PCDHA1: variants seen among roughly 807,000 people sequenced by gnomAD.
PCDHA1 encodes the protein protocadherin alpha 1.
A neutral mutation model predicts 61.3 loss-of-function variants in PCDHA1; 42 were observed. The observed-to-expected ratio is 0.69, with a 90% CI of 0.54 to 0.89. PCDHA1 has a LOEUF of 0.89. PCDHA1 is among the 40% of genes least tolerant of loss of function. PCDHA1 has a pLI of 0.00. For synonymous variants in PCDHA1, 610 were observed against 553.8 expected, an observed-to-expected ratio of 1.10 and a Z score of -1.43; for missense variants, 1,256 against 1,235.3, an observed-to-expected ratio of 1.02 and a Z score of -0.25.
intron 1 of PCDHA1, chr5:140,930,027 T>A (rs1554207548): frequency 6.6e-6 from 1 of 152,190 alleles, no homozygotes; most frequent in Non-Finnish European, 1.5e-5. Context: ...CATAGCAGTG[T>A]TTTGTAACTG....
intron 1 of PCDHA1, chr5:140,841,734 A>G: frequency 2.5e-6 from 4 of 1,613,870 alleles, no homozygotes; most frequent in Non-Finnish European, 3.4e-6. Context: ...GTAAAAGACC[A>G]AAAGCTGTTT....
intron 1 of PCDHA1, chr5:140,865,859 A>T (rs1328083716): frequency 1.3e-5 from 2 of 152,318 alleles, no homozygotes; most frequent in East Asian, 3.9e-4. Context: ...CTGCTCAAAC[A>T]TGGTCTCGGC....
chr5:140,914,801 A>G (rs976508278), intron 1 of PCDHA1, among the ~76,000 whole-genome samples: 2 of 152,164 alleles, frequency 1.3e-5, no homozygotes, highest in African/African-American at 4.8e-5. Context: ...TTTTAAACTG[A>G]TGGCAACTTA....
chr5:140,850,425 C>T (rs2150483747), intron 1 of PCDHA1: 2 of 1,597,932 alleles, frequency 1.3e-6, no homozygotes, highest in Non-Finnish European at 8.6e-7. Context: ...GGACGCACCG[C>T]GCCAGCGCCT....
chr5:140,975,953 T>C (rs1554237158), intron 1 of PCDHA1, among the ~76,000 whole-genome samples: 1 of 152,084 alleles, frequency 6.6e-6, no homozygotes, highest in East Asian at 1.9e-4. Flanking sequence ...CATATTAGAG[T>C]TCTTCACCAA....
intron 1 of PCDHA1, among the ~76,000 whole-genome samples, chr5:140,789,551 G>A (rs781941373): frequency 2.0e-5 from 3 of 151,914 alleles, no homozygotes; most frequent in African/African-American, 7.3e-5. Context: ...ATACAACCAC[G>A]ACTTCATTGT....
At chr5:140,884,391 C>G in intron 1 of PCDHA1, 1 of 1,613,982 alleles carries the variant, frequency 6.2e-7, no homozygotes, top group Non-Finnish European at 8.5e-7. Flanking sequence ...TGCGCGGTGT[C>G]CAGCCTGTTG....
intron 1 of PCDHA1, among the ~76,000 whole-genome samples, chr5:140,837,942 G>T (rs1554136705): frequency 2.0e-5 from 3 of 151,768 alleles, no homozygotes; most frequent in Admixed American, 1.3e-4. Flanking sequence ...GCCTCCCAAA[G>T]TATTGGGATT....
At chr5:140,798,594 G>A (rs1300036302) in intron 1 of PCDHA1, among the ~76,000 whole-genome samples, 1 of 152,032 alleles carries the variant, frequency 6.6e-6, no homozygotes, top group Non-Finnish European at 1.5e-5. Context: ...CTTTTTTCTG[G>A]CATCTAATTC....
At chr5:140,936,367 A>C (rs1347774517) in intron 1 of PCDHA1, among the ~76,000 whole-genome samples, 2 of 152,230 alleles carry the variant, frequency 1.3e-5, no homozygotes, top group East Asian at 1.9e-4. Flanking sequence ...GCTACTGAGC[A>C]CTTGAAATGT....
intron 1 of PCDHA1, chr5:140,822,362 G>A (rs2150115784): frequency 6.2e-7 from 1 of 1,614,122 alleles, no homozygotes; most frequent in Non-Finnish European, 8.5e-7. Context: ...CTGGTTTTGA[G>A]GAAATCCTTA....
At chr5:140,841,533 A>T (rs2150317593) in intron 1 of PCDHA1, 20 of 1,613,658 alleles carry the variant, frequency 1.2e-5, no homozygotes, top group Non-Finnish European at 1.7e-5. Context: ...TCCAAAAGAC[A>T]CCGGGACCTT....
Position 141,009,840 on chromosome 5 carries a change from A to T in PCDHA1, c.2756A>T (p.Lys919Met), listed in dbSNP as rs782270689. 1 of 1,614,186 alleles carries T rather than the reference A, an allele frequency of 6.2e-7. No individual in the cohort carries two copies. The highest frequency in any genetic ancestry group is 1.7e-5 in the Admixed American group (1 of 60,024). The change falls in exon 4 of 4, where the codon AAG (lysine) becomes ATG (methionine). Residue 919 changes from lysine (K) to methionine (M), a missense_variant. Lys to Met is a moderately conservative substitution (Grantham distance 95). Coordinates refer to ENST00000504120, the MANE Select transcript of PCDHA1 (RefSeq NM_018900.4). ...AGTGACTTCATAACCTTCGGCAAAA[A>T]GGAGGAGACCAAGAAAAAGAAGAAA... Reference protein sequence around the residue: ...DKSDFITFGKKEETKKKKKKK... With the variant: ...DKSDFITFGKMEETKKKKKKK...
At chr5:140,834,417 C>A (rs1772976539) in intron 1 of PCDHA1, 5 of 1,611,544 alleles carry the variant, frequency 3.1e-6, no homozygotes, top group Non-Finnish European at 3.4e-6. Flanking sequence ...CCCAGGGGGC[C>A]GACATCTACT....
At chr5:140,869,412 C>T (rs1164802929) in intron 1 of PCDHA1, 3 of 1,614,078 alleles carry the variant, frequency 1.9e-6, no homozygotes, top group Admixed American at 1.7e-5. Flanking sequence ...CGGAGTGCAG[C>T]ATCCACCTGG....
intron 1 of PCDHA1, chr5:140,807,251 G>A (rs782583105): frequency 1.9e-6 from 3 of 1,614,202 alleles, no homozygotes; most frequent in Non-Finnish European, 1.7e-6. Context: ...TCTTCTCCTC[G>A]CAGCCTGGGA....
At chr5:140,825,240 T>C (rs968965220) in intron 1 of PCDHA1, 1 of 151,592 alleles carries the variant, frequency 6.6e-6, no homozygotes, top group Non-Finnish European at 1.5e-5. Flanking sequence ...TCTGGATCTA[T>C]GGTGTTCCAT....
intron 1 of PCDHA1, chr5:140,796,014 C>G: frequency 6.2e-7 from 1 of 1,614,152 alleles, no homozygotes; most frequent in Non-Finnish European, 8.5e-7. Context: ...CACCAGAAGT[C>G]TCAATAACGT....
chr5:140,869,697 G>T (rs552852780), intron 1 of PCDHA1: 1 of 1,613,410 alleles, frequency 6.2e-7, no homozygotes, highest in Admixed American at 1.7e-5. Flanking sequence ...TTTTAAAGAA[G>T]TCTCTGGATA....
Sources: allele counts gnomAD v4.1 joint callset (sites outside exome capture counted in the v4.1 genomes callset), GRCh38; gene constraint gnomAD v4.1.1; transcripts MANE v1.5; gene names NCBI Gene and HGNC (gene_info 2026-07-23, HGNC 2026-07-21).